DOCK4: variants seen among roughly 807,000 people sequenced by gnomAD.
DOCK4 encodes the protein dedicator of cytokinesis protein 4.
A neutral mutation model predicts 268.1 loss-of-function variants in DOCK4; 97 were observed. The ratio of observed to expected loss-of-function variants is 0.36; its 90% confidence interval spans 0.31 to 0.43. The LOEUF (loss-of-function observed/expected upper bound fraction) is 0.43. Among genes scored for constraint, DOCK4 ranks in the 20% least tolerant of loss-of-function variants. DOCK4 has a pLI of 1.00. For missense variants in DOCK4, 2,145 were observed against 2,455.7 expected (o/e 0.87, Z 2.67); for synonymous variants, 954 against 887.2 (o/e 1.08, Z -1.34).
intron 1 of DOCK4, among the ~76,000 whole-genome samples, chr7:112,179,676 T>C (rs1254681569): frequency 6.6e-6 from 1 of 152,028 alleles, no homozygotes; most frequent in Non-Finnish European, 1.5e-5. Flanking sequence ...ACACATAAGG[T>C]CACCTCAAAA....
At chr7:111,927,158 T>C (rs978702902) in intron 12 of DOCK4, among the ~76,000 whole-genome samples, 2 of 152,186 alleles carry the variant, frequency 1.3e-5, no homozygotes, top group African/African-American at 4.8e-5. Context: ...TCGAAGTGGG[T>C]AACTCTGTCC....
intron 1 of DOCK4, among the ~76,000 whole-genome samples, chr7:112,115,548 C>A (rs1397684221): frequency 6.6e-6 from 1 of 152,196 alleles, no homozygotes; most frequent in African/African-American, 2.4e-5. Flanking sequence ...CCTTGCCTCA[C>A]TCCTCACTGT....
At chr7:112,194,776 G>A (rs1174896114) in intron 1 of DOCK4, among the ~76,000 whole-genome samples, 2 of 152,142 alleles carry the variant, frequency 1.3e-5, no homozygotes, top group Admixed American at 6.5e-5. Context: ...AACATTACAG[G>A]TAATGTGTAT....
chr7:112,167,037 A>C (rs1817667904), intron 1 of DOCK4, among the ~76,000 whole-genome samples: 1 of 152,182 alleles, frequency 6.6e-6, no homozygotes, highest in Non-Finnish European at 1.5e-5. Context: ...TGTAATTTTC[A>C]AGGTTGCCAT....
intron 12 of DOCK4, among the ~76,000 whole-genome samples, chr7:111,924,087 C>T (rs944902048): frequency 2.6e-5 from 4 of 152,102 alleles, no homozygotes; most frequent in Admixed American, 1.3e-4. Context: ...TTAAAAATCT[C>T]GTTCCATTTT....
chr7:112,052,736 C>A (rs1483770466), intron 1 of DOCK4, among the ~76,000 whole-genome samples: 1 of 152,152 alleles, frequency 6.6e-6, no homozygotes. Flanking sequence ...TGTACATCCA[C>A]TCCCTCCCAC....
chr7:112,115,652 C>CCATCCATCCATCCATCCAT (rs58821451), intron 1 of DOCK4, among the ~76,000 whole-genome samples: 2 of 149,920 alleles, frequency 1.3e-5, no homozygotes, highest in South Asian at 2.1e-4. Context: ...CATCCATCCA[C>CCATCCATCCATCCATCCAT]CCATCCATCC....
At chr7:111,913,015 G>A (rs1026223800) in intron 13 of DOCK4, among the ~76,000 whole-genome samples, 2 of 151,122 alleles carry the variant, frequency 1.3e-5, no homozygotes, top group African/African-American at 4.9e-5. Flanking sequence ...CCAGGCTGGA[G>A]TGTAGTGACA....
chr7:112,177,913 T>C (rs768367943), intron 1 of DOCK4, among the ~76,000 whole-genome samples: 1 of 152,234 alleles, frequency 6.6e-6, no homozygotes, highest in Non-Finnish European at 1.5e-5. Flanking sequence ...CCCATGGGCA[T>C]GACTGGCCAC....
intron 1 of DOCK4, among the ~76,000 whole-genome samples, chr7:112,094,811 A>G (rs1809957578): frequency 6.6e-6 from 1 of 152,022 alleles, no homozygotes; most frequent in Non-Finnish European, 1.5e-5. Context: ...TGTTCTCATG[A>G]TAGATATGGT....
At position 111,808,842 on chromosome 7, in the gene DOCK4, A is replaced by T. The variant is rs765468108; in HGVS notation, c.3145T>A (p.Phe1049Ile). 5.0e-6 allele frequency: 8 copies of T among 1,613,096 alleles called. No homozygotes were observed. The African/African-American group carries it at 1.1e-4, about 22-fold the overall frequency. Residue 1049 changes from phenylalanine to isoleucine, a missense_variant, in exon 30 of 53, where the codon TTC (phenylalanine) becomes ATC (isoleucine). Phe to Ile is a conservative substitution (Grantham distance 21, BLOSUM62 0). This residue lies in a region of DOCK4 where 1,598 missense variants were observed against 1,986.7 expected (regional missense o/e 0.80). Coordinates refer to ENST00000428084, the MANE Select transcript of DOCK4 (RefSeq NM_001363540.2). ...DMRVTMGCEI[F>I]SMWQNLGEHK... Reference sequence around the variant, plus strand: ...TTACCTAGGTTTTGCCACATGCTGAAAATTTCACAACCCATTGTTACCCGC... The same window carrying T: ...TTACCTAGGTTTTGCCACATGCTGATAATTTCACAACCCATTGTTACCCGC...
At chr7:112,017,311 C>T (rs1801895559) in intron 1 of DOCK4, among the ~76,000 whole-genome samples, 1 of 152,198 alleles carries the variant, frequency 6.6e-6, no homozygotes, top group African/African-American at 2.4e-5. Context: ...AAAGGATTTA[C>T]ATTTTGGAAA....
At chr7:112,189,795 T>C (rs1819785938) in intron 1 of DOCK4, among the ~76,000 whole-genome samples, 1 of 133,106 alleles carries the variant, frequency 7.5e-6, no homozygotes, top group South Asian at 2.6e-4. Context: ...TTGCCCAGAC[T>C]GGTCTCAAAC....
At position 111,868,133 on chromosome 7, in the gene DOCK4, A is replaced by C; in HGVS notation, c.2131T>G (p.Tyr711Asp). ...AACAGCCTTCGAGATTGAACTATAT[A>C]CTTAAAAATGTATTCTTGTGCCTTA... Reference protein sequence around the residue: ...VLKAQEYIFKYIVQSRRLFSL... With the variant: ...VLKAQEYIFKDIVQSRRLFSL... The change falls in exon 22 of 53, where the codon TAT (tyrosine) becomes GAT (aspartate). Residue 711 changes from tyrosine (Y) to aspartate (D), a missense_variant. Transcript: ENST00000428084. 6.3e-7 allele frequency: 1 copy of C among 1,594,104 alleles called. No homozygotes were observed. The highest frequency in any genetic ancestry group is 8.5e-7 in the Non-Finnish European group (1 of 1,173,366).
chr7:112,005,139 AG>A (rs2135323564), intron 1 of DOCK4, among the ~76,000 whole-genome samples: 1 of 152,330 alleles, frequency 6.6e-6, no homozygotes, highest in African/African-American at 2.4e-5. Flanking sequence ...GATTCTTAAA[AG>A]GCCAAAATTT....
In DOCK4 at chr7:111,822,385, A is replaced by C; in HGVS notation, c.2907T>G (p.Thr969=). 1 of 1,613,604 alleles carries C rather than the reference A, an allele frequency of 6.2e-7. No homozygotes were observed. Among genetic ancestry groups the C allele is most frequent in the East Asian group, 2.2e-5 (1 of 44,850 alleles). The change falls in exon 27 of 53, where the codon ACT becomes ACG. Residue 969 remains threonine (T), a synonymous_variant. Transcript: ENST00000428084. ...ACTTGTTAGCAACCAAGCGCATAAC[A>C]GTCCAGTCCTTTGGAAACATCTCCG... is the stretch of plus-strand genomic sequence containing the variant. The part of the protein sequence containing the change: ...IRPEMFPKDW[T]VMRLVANNVI...
chr7:111,805,874 AAGTT>A (rs1304171002), intron 30 of DOCK4, among the ~76,000 whole-genome samples: 4 of 152,180 alleles, frequency 2.6e-5, no homozygotes, highest in African/African-American at 9.7e-5. Context: ...TATTTTCTAA[AAGTT>A]AGTGCATTTT....
intron 1 of DOCK4, among the ~76,000 whole-genome samples, chr7:112,203,059 A>G (rs1477010568): frequency 6.6e-6 from 1 of 152,206 alleles, no homozygotes; most frequent in African/African-American, 2.4e-5. Flanking sequence ...GAACACAGTT[A>G]GTTGGAAGAG....
chr7:112,085,610 T>A (rs1028517948), intron 1 of DOCK4, among the ~76,000 whole-genome samples: 4 of 152,114 alleles, frequency 2.6e-5, no homozygotes, highest in Admixed American at 2.0e-4. Context: ...TATGGAAGAA[T>A]TCACCCAATA....
Sources: allele counts gnomAD v4.1 joint callset (sites outside exome capture counted in the v4.1 genomes callset), GRCh38; gene constraint gnomAD v4.1.1; regional missense constraint gnomAD v4.1.1; transcripts MANE v1.5; gene names NCBI Gene and HGNC (gene_info 2026-07-23, HGNC 2026-07-21).